The following GDAP1 variants were observed in gnomAD, a reference collection of about 807,000 sequenced individuals.
GDAP1 encodes ganglioside induced differentiation associated protein 1.
A neutral mutation model predicts 40.1 loss-of-function variants in GDAP1; 34 were observed. That is an observed-to-expected ratio of 0.85 (90% CI 0.64 to 1.13). The LOEUF (loss-of-function observed/expected upper bound fraction) is 1.13, where lower values mean the gene tolerates loss of function less well. GDAP1 is among the 50% of genes most tolerant of loss of function. GDAP1 has a pLI of 0.00. For synonymous variants in GDAP1, 170 were observed against 157.4 expected, an observed-to-expected ratio of 1.08 and a Z score of -0.60; for missense variants, 374 against 433.7, an observed-to-expected ratio of 0.86 and a Z score of 1.22.
intron 4 of GDAP1, among the ~76,000 whole-genome samples, chr8:74,362,515 C>T (rs1809418250): frequency 6.6e-6 from 1 of 152,208 alleles, no homozygotes; most frequent in African/African-American, 2.4e-5. Flanking sequence ...GAAACACCTG[C>T]ACTCACAGTC....
In GDAP1 at chr8:74,362,955, A is replaced by T; in HGVS notation, c.596A>T (p.His199Leu). 1 of 1,528,660 alleles carries T rather than the reference A, an allele frequency of 6.5e-7. No individual in the cohort carries two copies. Among genetic ancestry groups the T allele is most frequent in the Non-Finnish European group, 9.1e-7 (1 of 1,102,100 alleles). The allele number at this position is 1,528,660 out of a possible 1,614,324, so 94.7% of individuals were successfully genotyped here. Residue 199 changes from histidine (H) to leucine (L), a missense_variant, in exon 5 of 6, where the codon CAT becomes CTT. His to Leu is a moderately conservative substitution (Grantham distance 99). Transcript: ENST00000220822. Reference protein sequence around the residue: ...QKRLKSKLLDHDNVKYLKKIL... With the variant: ...QKRLKSKLLDLDNVKYLKKIL... ...GTTAATTAGTCAAAGCTGCTTGATC[A>T]TGACAATGTCAAGTATTTGAAGAAA...
intron 2 of GDAP1, among the ~76,000 whole-genome samples, chr8:74,387,075 T>A (rs912779851): frequency 2.0e-5 from 3 of 152,318 alleles, no homozygotes; most frequent in Non-Finnish European, 4.4e-5. Context: ...TAAAGGAGAT[T>A]TTAGGCTGAG....
chr8:74,460,598 G>A (rs558952544), intron 2 of GDAP1, among the ~76,000 whole-genome samples: 6 of 152,274 alleles, frequency 3.9e-5, no homozygotes, highest in African/African-American at 1.4e-4. Context: ...CTGAACAGCA[G>A]GAACAGAAAC....
At chr8:74,422,277 C>CTT (rs1251271695) in intron 2 of GDAP1, among the ~76,000 whole-genome samples, 1 of 103,092 alleles carries the variant, frequency 9.7e-6, no homozygotes, top group African/African-American at 3.6e-5. Context: ...CTTTTCTTTT[C>CTT]TTTTTTCTTT....
intron 2 of GDAP1, among the ~76,000 whole-genome samples, chr8:74,387,898 G>A (rs1162685260): frequency 6.6e-6 from 1 of 152,136 alleles, no homozygotes; most frequent in African/African-American, 2.4e-5. Flanking sequence ...CTTCTTCCTT[G>A]TGTAGTCTTG....
At chr8:74,412,096 A>G (rs949343783) in intron 2 of GDAP1, among the ~76,000 whole-genome samples, 3 of 149,990 alleles carry the variant, frequency 2.0e-5, no homozygotes, top group Admixed American at 1.3e-4. Flanking sequence ...ATGTCATTCA[A>G]GATTCCTACA....
chr8:74,483,761 A>T (rs550296159), intron 2 of GDAP1, among the ~76,000 whole-genome samples: 10 of 152,148 alleles, frequency 6.6e-5, no homozygotes, highest in Non-Finnish European at 1.3e-4. Context: ...CTCCAGTTAT[A>T]TTGGAATAGC....
At position 74,382,245 on chromosome 8, in the gene GDAP1, A is replaced by G. The variant is rs564294054; in HGVS notation, c.165+30924A>G. On this transcript the variant is annotated intron_variant, in intron 2 of 2. Coordinates refer to the GDAP1 transcript ENST00000523640. The stretch of plus-strand genomic sequence containing the variant: ...ATGATATAATTTGATAGCTTCCTTG[A>G]TTTCTGGTATGTTAAGGTACTTCAT... 1.3e-3 allele frequency among the ~76,000 whole-genome samples: 197 copies of G among 151,960 alleles called. No individual in the cohort carries two copies. The South Asian group carries it at 0.014, about 11-fold the overall frequency.
At chr8:74,479,190 T>A (rs1176497852) in intron 2 of GDAP1, among the ~76,000 whole-genome samples, 1 of 152,256 alleles carries the variant, frequency 6.6e-6, no homozygotes, top group African/African-American at 2.4e-5. Flanking sequence ...ATTACTTTCT[T>A]GAAATTTTGC....
chr8:74,467,555 C>T (rs1370154054), intron 2 of GDAP1, among the ~76,000 whole-genome samples: 1 of 152,144 alleles, frequency 6.6e-6, no homozygotes, highest in Non-Finnish European at 1.5e-5. Context: ...ACAGGCAGTG[C>T]AATCAGTAGG....
At position 74,366,565 on chromosome 8, in the gene GDAP1, G is replaced by A; in HGVS notation, c.*2198G>A. The A allele has an allele frequency of 2.2e-6, 1 of 453,710 alleles. No individual in the cohort carries two copies. Among genetic ancestry groups the A allele is most frequent in the Non-Finnish European group, 4.4e-6 (1 of 226,610 alleles). 28.1% of individuals were successfully genotyped at this position (453,710 alleles called of 1,614,324 possible). On this transcript the variant is annotated 3_prime_UTR_variant, in exon 6 of 6. Transcript: ENST00000220822. The stretch of plus-strand genomic sequence containing the variant: ...TTCTTTTTCATGATTATCGGTGACT[G>A]GTCAGTGTACTCATCAATTTCCAAA...
intron 2 of GDAP1, among the ~76,000 whole-genome samples, chr8:74,375,456 T>C (rs1174659807): frequency 6.6e-6 from 1 of 152,236 alleles, no homozygotes; most frequent in Non-Finnish European, 1.5e-5. Context: ...AGAGTTCATA[T>C]AATGGTTGCA....
intron 5 of GDAP1, 72 bp downstream of exon 5, chr8:74,363,125 C>A (rs1483464342): frequency 3.8e-6 from 3 of 787,014 alleles, no homozygotes; most frequent in Non-Finnish European, 6.8e-6. Flanking sequence ...TTAGGTCTCA[C>A]CAAAAACGTT....
At chr8:74,350,663 C>G (rs1808812668) in intron 1 of GDAP1, 85 bp downstream of exon 1, 5 of 923,350 alleles carry the variant, frequency 5.4e-6, no homozygotes, top group Non-Finnish European at 1.8e-6. Context: ...CCAGGGAAGC[C>G]GGTCCACCTA....
chr8:74,360,435 G>A (rs1029458261), intron 3 of GDAP1, 125 bp downstream of exon 3: 3 of 819,798 alleles, frequency 3.7e-6, no homozygotes, highest in African/African-American at 3.3e-5. Flanking sequence ...TTGCTTCATG[G>A]ATGTGCATGT....
intron 2 of GDAP1, among the ~76,000 whole-genome samples, chr8:74,448,186 A>G (rs915185490): frequency 1.3e-5 from 2 of 152,184 alleles, no homozygotes; most frequent in African/African-American, 4.8e-5. Context: ...GGCAAGTACT[A>G]TTCTGATTTC....
chr8:74,448,254 T>TC (rs35249061), intron 2 of GDAP1, among the ~76,000 whole-genome samples: 152,171 of 152,254 alleles, frequency 1, 76,044 homozygotes, highest in Non-Finnish European at 1. Context: ...ATATAGTATG[T>TC]CTTTTTATGT....
At chr8:74,374,119 G>C (rs1481452102) in intron 2 of GDAP1, among the ~76,000 whole-genome samples, 3 of 152,176 alleles carry the variant, frequency 2.0e-5, no homozygotes, top group Non-Finnish European at 2.9e-5. Flanking sequence ...ACTTGATCAT[G>C]GTGGATAAGC....
downstream of GDAP1, among the ~76,000 whole-genome samples, chr8:74,370,235 A>G (rs996020261): frequency 6.6e-6 from 1 of 152,240 alleles, no homozygotes; most frequent in Admixed American, 6.5e-5. Context: ...AACAAGAATA[A>G]TAGCATTATT....
Sources: gnomAD v4.1 joint callset for allele counts (sites outside exome capture counted in the v4.1 genomes callset) on GRCh38, gnomAD v4.1.1 for gene constraint, MANE v1.5 for transcripts, NCBI Gene and HGNC (gene_info 2026-07-23, HGNC 2026-07-21) for gene names.